The following COL9A1 variants were observed in gnomAD, a reference collection of about 807,000 sequenced individuals.
COL9A1 encodes the protein collagen type IX alpha 1 chain, also known as collagen alpha-1(IX) chain.
Under a neutral mutation model 142.6 loss-of-function variants are expected in COL9A1, and 104 were observed. That is an observed-to-expected ratio of 0.73 (90% confidence interval 0.62 to 0.86). COL9A1 has a LOEUF of 0.86. Ranked by LOEUF, COL9A1 falls within the 40% of genes least tolerant of loss-of-function variation. COL9A1 has a pLI of 0.00. For synonymous variants in COL9A1, 466 were observed against 396.0 expected, an observed-to-expected ratio of 1.18 and a Z score of -2.10; for missense variants, 1,210 against 1,176.6, an observed-to-expected ratio of 1.03 and a Z score of -0.42.
intron 16 of COL9A1, 129 bp downstream of exon 16, chr6:70,269,504 C>T (rs1281967569): frequency 1.4e-6 from 1 of 706,668 alleles, no homozygotes; most frequent in Non-Finnish European, 2.6e-6. Flanking sequence ...ACAGACTGCT[C>T]TGCCATTTGA....
intron 28 of COL9A1, among the ~76,000 whole-genome samples, chr6:70,250,784 T>G (rs1382030532): frequency 2.0e-5 from 3 of 152,246 alleles, no homozygotes; most frequent in Non-Finnish European, 4.4e-5. Context: ...CCAGAGAGAA[T>G]GTTTTAAAGT....
chr6:70,237,643 C>G (rs1055523571), intron 33 of COL9A1, among the ~76,000 whole-genome samples: 1 of 152,168 alleles, frequency 6.6e-6, no homozygotes, highest in African/African-American at 2.4e-5. Context: ...TTCTATTGAA[C>G]ATTACTATTT....
intron 10 of COL9A1, among the ~76,000 whole-genome samples, chr6:70,277,856 AG>A (rs1055972148): frequency 9.8e-5 from 15 of 152,336 alleles, no homozygotes; most frequent in Admixed American, 3.9e-4. Context: ...AAATGATTCG[AG>A]GTTTAAGGTC....
chr6:70,259,855 C>T (rs746310563), intron 20 of COL9A1, among the ~76,000 whole-genome samples: 25 of 152,244 alleles, frequency 1.6e-4, no homozygotes, highest in Non-Finnish European at 3.4e-4. Context: ...AATCTGGTTT[C>T]TGAGACTGGG....
chr6:70,279,648 C>CAAAAAAAAAAAGAAAAAA (rs1772992905), intron 10 of COL9A1: 1 of 58,210 alleles, frequency 1.7e-5, no homozygotes, highest in African/African-American at 6.1e-5. Context: ...AACTTCGTCT[C>CAAAAAAAAAAAGAAAAAA]AAAAAAAAAA....
chr6:70,269,285 G>C (rs983847607), intron 16 of COL9A1, among the ~76,000 whole-genome samples: 1 of 152,130 alleles, frequency 6.6e-6, no homozygotes, highest in African/African-American at 2.4e-5. Flanking sequence ...ATTGCATTTA[G>C]TGTACATTAC....
At chr6:70,252,004 A>T in intron 28 of COL9A1, 116 bp downstream of exon 28, 1 of 1,069,120 alleles carries the variant, frequency 9.4e-7, no homozygotes. Flanking sequence ...TGTGTCTTGG[A>T]CTAGCATGGG....
chr6:70,247,047 G>C (rs1425210757), intron 28 of COL9A1, among the ~76,000 whole-genome samples: 1 of 152,102 alleles, frequency 6.6e-6, no homozygotes, highest in African/African-American at 2.4e-5. Flanking sequence ...ATTGATCTGA[G>C]GTAATTACTA....
chr6:70,225,153 C>G (rs7741471), intron 37 of COL9A1, among the ~76,000 whole-genome samples: 59,444 of 152,102 alleles, frequency 0.39, 12,735 homozygotes, highest in Non-Finnish European at 0.49. Context: ...CCACTGCCTC[C>G]CCACAATAAG....
intron 1 of COL9A1, among the ~76,000 whole-genome samples, chr6:70,302,310 A>G (rs1405873709): frequency 6.6e-6 from 1 of 150,676 alleles, no homozygotes; most frequent in Non-Finnish European, 1.5e-5. Context: ...CCTGGGTTCA[A>G]ACGATTCTCC....
intron 5 of COL9A1, among the ~76,000 whole-genome samples, chr6:70,288,975 A>C (rs1773556823): frequency 1.3e-5 from 2 of 152,208 alleles, no homozygotes; most frequent in East Asian, 3.8e-4. Flanking sequence ...GCAGATGTTT[A>C]ATAGTTACTG....
intron 34 of COL9A1, 46 bp from the exon 35 acceptor site, chr6:70,234,639 A>G (rs768706367): frequency 1.2e-6 from 2 of 1,611,978 alleles, no homozygotes; most frequent in Non-Finnish European, 1.7e-6. Flanking sequence ...GAAACCATAA[A>G]GAGAACATTG....
rs1342265500 is a variant in COL9A1, at chr6:70,281,047, G to T, written c.877-8C>A. The T allele has an allele frequency of 4.4e-6, 7 of 1,605,916 alleles. No homozygotes were observed. Among genetic ancestry groups the T allele is most frequent in the Non-Finnish European group, 5.9e-6 (7 of 1,177,154 alleles). Reference sequence around the variant, plus strand: ...CTTAGGACCTCGGTCACCCTGGAGGGGTAGGAGAAAAAGAGAGAGCAGTCT... The same window carrying T: ...CTTAGGACCTCGGTCACCCTGGAGGTGTAGGAGAAAAAGAGAGAGCAGTCT... On this transcript the variant is annotated splice_region_variant and splice_polypyrimidine_tract_variant and intron_variant, in intron 8 of 37. Coordinates refer to ENST00000357250, the MANE Select transcript of COL9A1 (RefSeq NM_001851.6).
chr6:70,299,316 A>G (rs2127607882), intron 4 of COL9A1, among the ~76,000 whole-genome samples: 1 of 152,178 alleles, frequency 6.6e-6, no homozygotes, highest in African/African-American at 2.4e-5. Context: ...TGTCTCATTT[A>G]TCTACTAAAG....
chr6:70,300,863 CCAA>C (rs1774036373), intron 2 of COL9A1, among the ~76,000 whole-genome samples: 1 of 152,144 alleles, frequency 6.6e-6, no homozygotes, highest in Non-Finnish European at 1.5e-5. Context: ...GATTCCAGAG[CCAA>C]CCTTGGTCCA....
Position 70,232,634 on chromosome 6 carries a change from G to C in COL9A1, c.2452C>G (p.Leu818Val), listed in dbSNP as rs1181747084. The change falls in exon 36 of 38, where the codon CTT (leucine) becomes GTT (valine). Residue 818 changes from leucine to valine, a missense_variant. By Grantham distance (32) the Leu-to-Val change is conservative (BLOSUM62 1). Coordinates refer to ENST00000357250, the MANE Select transcript of COL9A1 (RefSeq NM_001851.6). ...CCAGGGGGCCCCTTAATGCCCGGAA[G>C]GCCACGAATTCCCATCTGGCCTGGG... The part of the protein sequence containing the change: ...GFPGQMGIRG[L>V]PGIKGPPGAL... The C allele has an allele frequency of 3.7e-6, 6 of 1,614,108 alleles. No homozygotes were observed. Among genetic ancestry groups the C allele is most frequent in the Non-Finnish European group, 5.1e-6 (6 of 1,180,022 alleles).
intron 5 of COL9A1, among the ~76,000 whole-genome samples, chr6:70,285,713 T>A (rs1773426559): frequency 6.6e-6 from 1 of 152,154 alleles, no homozygotes; most frequent in African/African-American, 2.4e-5. Flanking sequence ...AGTAAATAAA[T>A]AAATAAGTTT....
At chr6:70,275,451 C>T (rs183888107) in intron 10 of COL9A1, among the ~76,000 whole-genome samples, 270 of 152,048 alleles carry the variant, frequency 1.8e-3, no homozygotes, top group African/African-American at 6.2e-3. Context: ...GTATGCCACT[C>T]GGTATGTAAA....
Position 70,294,429 on chromosome 6 carries a change from T to C in COL9A1, c.434A>G (p.Lys145Arg), listed in dbSNP as rs1284390817. ...DSSGKEQVGIKINGQTQSVVF... is the reference protein window; with the variant it reads ...DSSGKEQVGIRINGQTQSVVF... ...AACAGATTGTGTTTGGCCATTAATC[T>C]TTATGCCAACTTGCTCCTTCCCAGA... The change falls in exon 5 of 38, where the codon AAG becomes AGG. Residue 145 changes from lysine (K) to arginine (R), a missense_variant. Coordinates refer to ENST00000357250, the MANE Select transcript of COL9A1 (RefSeq NM_001851.6). 1 of 1,614,132 alleles carries C rather than the reference T, an allele frequency of 6.2e-7. No individual in the cohort carries two copies.
Sources: allele counts gnomAD v4.1 joint callset (sites outside exome capture counted in the v4.1 genomes callset), GRCh38; gene constraint gnomAD v4.1.1; transcripts MANE v1.5; gene names NCBI Gene and HGNC (gene_info 2026-07-23, HGNC 2026-07-21).